The following PLEKHA2 variants were observed in gnomAD, a reference collection of about 807,000 sequenced individuals.
PLEKHA2 encodes pleckstrin homology domain containing A2.
A neutral mutation model predicts 53.2 loss-of-function variants in PLEKHA2; 28 were observed. The ratio of observed to expected loss-of-function variants is 0.53; its 90% confidence interval spans 0.39 to 0.72. The LOEUF is 0.72. Ranked by LOEUF, PLEKHA2 falls within the 30% of genes least tolerant of loss-of-function variation. The pLI is 0.00. For missense variants in PLEKHA2, 426 were observed against 537.9 expected (o/e 0.79, Z 2.06); for synonymous variants, 193 against 196.4 (o/e 0.98, Z 0.14).
chr8:38,919,427 G>A (rs1834139154), intron 2 of PLEKHA2, among the ~76,000 whole-genome samples: 1 of 152,180 alleles, frequency 6.6e-6, no homozygotes, highest in Non-Finnish European at 1.5e-5. Flanking sequence ...GTGATTTGGT[G>A]GAATGAGCCT....
At chr8:38,948,139 A>C (rs1834751133) in intron 5 of PLEKHA2, among the ~76,000 whole-genome samples, 1 of 151,970 alleles carries the variant, frequency 6.6e-6, no homozygotes, top group Non-Finnish European at 1.5e-5. Context: ...GGGTTTCAGG[A>C]ATTCATCTGG....
intron 4 of PLEKHA2, 96 bp from the exon 5 acceptor site, chr8:38,946,028 C>G: frequency 1.1e-6 from 1 of 943,348 alleles, no homozygotes; most frequent in Non-Finnish European, 1.7e-6. Context: ...GTTCACTCAT[C>G]TCACTCCCTC....
intron 1 of PLEKHA2, among the ~76,000 whole-genome samples, chr8:38,905,838 C>G (rs1041461628): frequency 2.3e-4 from 35 of 152,082 alleles, no homozygotes; most frequent in Non-Finnish European, 1.2e-4. Flanking sequence ...GCGCATGCCA[C>G]CACGCCCAGC....
In PLEKHA2 at chr8:38,918,194, G is replaced by A. The variant is rs922849132; in HGVS notation, c.141+124G>A. ...ACACAACCTGCTGATCAGCAGGGAG[G>A]GGACAACCCTACAACACACACAGAC... On this transcript the variant is annotated intron_variant, in intron 2 of 11. Coordinates refer to ENST00000617275, the MANE Select transcript of PLEKHA2 (RefSeq NM_021623.2). The A allele has an allele frequency of 5.0e-5, 64 of 1,278,364 alleles. 1 individual carries two copies. The Admixed American group carries it at 1.4e-3, about 29-fold the overall frequency. The allele number at this position is 1,278,364 out of a possible 1,614,324, so 79.2% of individuals were successfully genotyped here.
intron 10 of PLEKHA2, chr8:38,960,772 G>T (rs536221721): frequency 6.6e-6 from 1 of 152,250 alleles, no homozygotes; most frequent in East Asian, 1.9e-4. Context: ...GATAATTGTG[G>T]ATATTCTTTG....
chr8:38,945,276 T>C (rs1834690873), intron 4 of PLEKHA2, among the ~76,000 whole-genome samples: 2 of 152,232 alleles, frequency 1.3e-5, no homozygotes, highest in African/African-American at 2.4e-5. Flanking sequence ...GCCTTGTCAC[T>C]GTGGTATCCT....
intron 5 of PLEKHA2, chr8:38,950,631 A>C: frequency 2.3e-6 from 1 of 437,742 alleles, no homozygotes; most frequent in Non-Finnish European, 3.9e-6. Context: ...TAGGCGCTCA[A>C]GAAATTCCTG....
intron 2 of PLEKHA2, among the ~76,000 whole-genome samples, chr8:38,932,296 ATTCTTGGGG>A (rs1387802958): frequency 6.6e-6 from 1 of 152,154 alleles, no homozygotes; most frequent in Non-Finnish European, 1.5e-5. Flanking sequence ...GCACCTGGTC[ATTCTTGGGG>A]TTTTTAAAAC....
At chr8:38,961,823 G>A (rs1835046875) in intron 10 of PLEKHA2, among the ~76,000 whole-genome samples, 2 of 74,464 alleles carry the variant, frequency 2.7e-5, no homozygotes, top group Admixed American at 1.4e-4. Flanking sequence ...GATCTTGGTC[G>A]TTTAACTGTT....
At position 38,918,046 on chromosome 8, in the gene PLEKHA2, C is replaced by A. The variant is rs1323274177; in HGVS notation, c.117C>A (p.Leu39=). The A allele has an allele frequency of 2.5e-6, 4 of 1,613,288 alleles. 1 individual carries two copies. The South Asian group carries it at 3.3e-5, about 13-fold the overall frequency. The change falls in exon 2 of 12, where the codon CTC becomes CTA. Residue 39 remains leucine (L), a synonymous_variant. Transcript: ENST00000617275. ...YFILDTQANC[L]LWYMDNPQNL... ...TTCTGGACACCCAGGCTAACTGCCT[C>A]CTCTGGTATATGGACAACCCCCAGG...
At chr8:38,913,623 G>A (rs954449973) in intron 1 of PLEKHA2, among the ~76,000 whole-genome samples, 7 of 152,144 alleles carry the variant, frequency 4.6e-5, no homozygotes, top group Admixed American at 1.3e-4. Flanking sequence ...AGGGGCTGGC[G>A]ATCACCAGCA....
intron 2 of PLEKHA2, among the ~76,000 whole-genome samples, chr8:38,927,156 T>A (rs1476637425): frequency 6.6e-6 from 1 of 152,208 alleles, no homozygotes; most frequent in African/African-American, 2.4e-5. Context: ...CCTTCAACAT[T>A]TGTTCAATGT....
Position 38,953,301 on chromosome 8 carries a change from G to A in PLEKHA2, c.707G>A (p.Arg236Gln), listed in dbSNP as rs762621728. The A allele has an allele frequency of 4.3e-6, 7 of 1,612,416 alleles. No individual in the cohort carries two copies. The highest frequency in any genetic ancestry group is 5.9e-6 in the Non-Finnish European group (7 of 1,178,466). ...TICYFKCEQD[R>Q]EPLRTIFLKD... ...TCTTTCTGTTCTTTCCACCAGGACC[G>A]AGAACCACTGCGCACCATATTTCTT... Residue 236 changes from arginine (R) to glutamine (Q), a missense_variant, in exon 9 of 12, where the codon CGA becomes CAA. Arg to Gln is a conservative substitution (Grantham distance 43). Coordinates refer to ENST00000617275, the MANE Select transcript of PLEKHA2 (RefSeq NM_021623.2).
intron 1 of PLEKHA2, among the ~76,000 whole-genome samples, chr8:38,915,430 G>A (rs148182579): frequency 6.6e-5 from 10 of 152,362 alleles, no homozygotes; most frequent in Non-Finnish European, 2.9e-5. Flanking sequence ...TCTGAGGGCC[G>A]TGAGAGAAAG....
At position 38,972,565 on chromosome 8, in the gene PLEKHA2, T is replaced by C. The variant is rs557274068; in HGVS notation, c.*2782T>C. On this transcript the variant is annotated 3_prime_UTR_variant, in exon 12 of 12. Transcript: ENST00000617275. ...GCTCTAAAAGCATTCCATTCCTAAA[T>C]TGTATTTCAAACTTCCTATTTTGTT... 6.6e-6 allele frequency: 1 copy of C among 152,338 alleles called. No homozygotes were observed. The highest frequency in any genetic ancestry group is 2.1e-4 in the South Asian group (1 of 4,830). The allele number at this position is 152,338 out of a possible 1,614,324, so 9.4% of individuals were successfully genotyped here. A position where few individuals can be genotyped will look rare whatever the true frequency, so the allele number is the denominator to read the frequency against.
At chr8:38,941,539 G>A (rs9298648) in intron 3 of PLEKHA2, among the ~76,000 whole-genome samples, 45,324 of 152,102 alleles carry the variant, frequency 0.3, 6,974 homozygotes, top group Non-Finnish European at 0.32. Context: ...GTATGTAGGA[G>A]GCCAGGCAAT....
intron 3 of PLEKHA2, among the ~76,000 whole-genome samples, chr8:38,937,432 A>G (rs1834517090): frequency 6.6e-6 from 1 of 152,092 alleles, no homozygotes; most frequent in South Asian, 2.1e-4. Context: ...AGAGCAGAGG[A>G]GCAGAGAACC....
At chr8:38,954,583 A>AG (rs1834903453) in intron 9 of PLEKHA2, among the ~76,000 whole-genome samples, 1 of 152,178 alleles carries the variant, frequency 6.6e-6, no homozygotes, top group Non-Finnish European at 1.5e-5. Flanking sequence ...AGGGACTAGC[A>AG]GGGAAGGAAG....
chr8:38,954,304 T>A (rs950376236), intron 9 of PLEKHA2, among the ~76,000 whole-genome samples: 2 of 150,954 alleles, frequency 1.3e-5, no homozygotes, highest in South Asian at 4.2e-4. Flanking sequence ...ACTGGGGAGG[T>A]TCCCAGTGAC....
Sources: allele counts gnomAD v4.1 joint callset (sites outside exome capture counted in the v4.1 genomes callset), GRCh38; gene constraint gnomAD v4.1.1; transcripts MANE v1.5; gene names NCBI Gene and HGNC (gene_info 2026-07-23, HGNC 2026-07-21).